Variants in ARID3A observed in about 807,000 individuals in gnomAD.
The protein encoded by ARID3A is AT-rich interaction domain 3A, also known as AT-rich interactive domain-containing protein 3A.
A neutral mutation model predicts 52.7 loss-of-function variants in ARID3A; 11 were observed. The ratio of observed to expected loss-of-function variants is 0.21; its 90% confidence interval spans 0.13 to 0.35. The LOEUF (loss-of-function observed/expected upper bound fraction) is 0.35, where lower values mean the gene tolerates loss of function less well. Ranked by LOEUF, ARID3A falls within the 10% of genes least tolerant of loss-of-function variation. The pLI, the probability that ARID3A is intolerant of heterozygous loss-of-function variation, is 1.00. For synonymous variants in ARID3A, 404 were observed against 359.4 expected (o/e 1.12, Z -1.40); for missense variants, 721 against 838.5 (o/e 0.86, Z 1.73).
Position 973,104 on chromosome 19 carries a change from A to ATCTTTTT in ARID3A, c.*1040_*1041insCTTTTTT, listed in dbSNP as rs775338115. 3.5e-4 allele frequency: 19 copies of ATCTTTTT among 53,678 alleles called. 3 individuals carry two copies. Among genetic ancestry groups the ATCTTTTT allele is most frequent in the South Asian group, 1.5e-3 (2 of 1,360 alleles). The allele number at this position is 53,678 out of a possible 1,614,324, so 3.3% of individuals were successfully genotyped here. A position where few individuals can be genotyped will look rare whatever the true frequency, so the allele number is the denominator to read the frequency against. On this transcript the variant is annotated 3_prime_UTR_variant, in exon 9 of 9. Coordinates refer to ENST00000263620, the MANE Select transcript of ARID3A (RefSeq NM_005224.3). ...GGGCTCTCGAGTCAGGGGCCTGGAA[A>ATCTTTTT]TTTTTTTTTTTTTTTTTTTTTGAGA...
rs1338543295 is a variant in ARID3A, at chr19:938,532, G to A, written c.693+5790G>A. On this transcript the variant is annotated intron_variant, in intron 3 of 8. Transcript: ENST00000263620. This position sits in a 1 kb window ranked among gnomAD's most constrained non-coding sequence, Gnocchi z 4.0. ...CCTGCCAGAGAGGACCCAGCGGTGT[G>A]TGGATGGATGGCCCAGGGAGCTGCT... Among the ~76,000 whole-genome samples the A allele has an allele frequency of 6.6e-6, 1 of 152,232 alleles. No individual in the cohort carries two copies. The highest frequency in any genetic ancestry group is 1.5e-5 in the Non-Finnish European group (1 of 68,030).
chr19:970,171 G>C (rs1026116364), intron 8 of ARID3A, among the ~76,000 whole-genome samples: 5 of 151,972 alleles, frequency 3.3e-5, no homozygotes, highest in Non-Finnish European at 7.4e-5. Context: ...GAATTAGCGA[G>C]GTGTGCTGGT....
At chr19:968,554 G>T in intron 8 of ARID3A, 51 bp downstream of exon 8, 2 of 1,556,970 alleles carry the variant, frequency 1.3e-6, no homozygotes, top group Non-Finnish European at 1.8e-6. Flanking sequence ...TCCCGCCGCC[G>T]TGAACTCAGG....
rs189314098 is a variant in ARID3A at position 965,577 on chromosome 19, C to A, written c.1198+497C>A. 5.3e-5 allele frequency among the ~76,000 whole-genome samples: 8 copies of A among 151,980 alleles called. No individual in the cohort carries two copies. In the East Asian group the frequency reaches 1.5e-3, roughly 29 times the overall value. ...GGCGTGGCAACGTGCACCTGTGGTCCCAGCTACCCAGGAAGCTGAGGTGGT... is the reference window on the plus strand; with the variant it reads ...GGCGTGGCAACGTGCACCTGTGGTCACAGCTACCCAGGAAGCTGAGGTGGT... On this transcript the variant is annotated intron_variant, in intron 6 of 8. Coordinates refer to ENST00000263620, the MANE Select transcript of ARID3A (RefSeq NM_005224.3).
At chr19:935,350 G>C (rs1423342742) in intron 3 of ARID3A, among the ~76,000 whole-genome samples, 1 of 152,202 alleles carries the variant, frequency 6.6e-6, no homozygotes, top group Non-Finnish European at 1.5e-5. Context: ...GTGCAGTTTT[G>C]GAGGCCAGCA....
In ARID3A at chr19:944,323, G is replaced by C. The variant is rs2037627332; in HGVS notation, c.693+11581G>C. Among the ~76,000 whole-genome samples the C allele has an allele frequency of 7.1e-6, 1 of 139,884 alleles. No homozygotes were observed. The highest frequency in any genetic ancestry group is 7.5e-5 in the Admixed American group (1 of 13,386). 91.8% of individuals were successfully genotyped at this position (139,884 alleles called of 152,430 possible). A position where few individuals can be genotyped will look rare whatever the true frequency, so the allele number is the denominator to read the frequency against. On this transcript the variant is annotated intron_variant, in intron 3 of 8. Coordinates refer to ENST00000263620, the MANE Select transcript of ARID3A (RefSeq NM_005224.3). This position sits in a 1 kb window ranked among gnomAD's most constrained non-coding sequence, Gnocchi z 5.9. ...TGTCTGGCTGCAGGGGCGCGTCCAG[G>C]GGGTGTGTGTGTGTGTGTGTGTGTG...
chr19:970,349 A>T (rs1251264414), intron 8 of ARID3A, among the ~76,000 whole-genome samples: 1 of 152,108 alleles, frequency 6.6e-6, no homozygotes, highest in Non-Finnish European at 1.5e-5. Context: ...AAATTTAATT[A>T]AAAAAGTGGA....
In ARID3A at chr19:959,654, G is replaced by T. The variant is rs753586398; in HGVS notation, c.694-438G>T. ...TAAGCTGCAACGTGTGGCTGTAAGG[G>T]AGTTAAGGATCGATTTGAGATGAGG... On this transcript the variant is annotated intron_variant, in intron 3 of 8. Transcript: ENST00000263620. The surrounding 1 kb of genome is among the most constrained non-coding windows in gnomAD (Gnocchi z 5.0). 5.9e-5 allele frequency among the ~76,000 whole-genome samples: 9 copies of T among 152,168 alleles called. No homozygotes were observed. The highest frequency in any genetic ancestry group is 1.0e-4 in the Non-Finnish European group (7 of 68,036).
intron 6 of ARID3A, 82 bp downstream of exon 6, chr19:965,162 C>G (rs1477363408): frequency 6.9e-7 from 1 of 1,440,056 alleles, no homozygotes; most frequent in Admixed American, 2.4e-5. Context: ...ACCTCTTCCC[C>G]TCTCTGGGTA....
Position 929,420 on chromosome 19 carries a change from G to A in ARID3A, c.-109G>A, listed in dbSNP as rs1375244475. 7.8e-6 allele frequency: 8 copies of A among 1,030,812 alleles called. No individual in the cohort carries two copies. The highest frequency in any genetic ancestry group is 3.9e-5 in the African/African-American group (2 of 51,290). 63.9% of individuals were successfully genotyped at this position (1,030,812 alleles called of 1,614,324 possible). On this transcript the variant is annotated 5_prime_UTR_variant, in exon 2 of 9. Transcript: ENST00000263620. This position sits in a 1 kb window ranked among gnomAD's most constrained non-coding sequence, Gnocchi z 6.2. Reference sequence around the variant, plus strand: ...GCCCCGGCTCCCCCGCGGCCCCCACGCTGCAGTGCGGCCGGGCCCCCTCCC... The same window carrying A: ...GCCCCGGCTCCCCCGCGGCCCCCACACTGCAGTGCGGCCGGGCCCCCTCCC...
chr19:943,323 CT>C (rs1309287669), intron 3 of ARID3A, among the ~76,000 whole-genome samples: 1 of 150,478 alleles, frequency 6.6e-6, no homozygotes, highest in African/African-American at 2.4e-5. Flanking sequence ...AATCCCAGCA[CT>C]TTGGGAGGCC....
At chr19:933,655 A>G (rs28587615) in intron 3 of ARID3A, among the ~76,000 whole-genome samples, 59,128 of 151,922 alleles carry the variant, frequency 0.39, 11,942 homozygotes, top group African/African-American at 0.42. Context: ...AGGAGGGGCC[A>G]AGGCACAGAC....
Position 944,137 on chromosome 19 carries a change from C to T in ARID3A, c.693+11395C>T, listed in dbSNP as rs1173972677. On this transcript the variant is annotated intron_variant, in intron 3 of 8. Coordinates refer to ENST00000263620, the MANE Select transcript of ARID3A (RefSeq NM_005224.3). This position sits in a 1 kb window ranked among gnomAD's most constrained non-coding sequence, Gnocchi z 5.9. ...TGCCAGCCTGACCCTCTCATGGGCA[C>T]TTACGGGGCACCTGCTGTATGCCAG... Among the ~76,000 whole-genome samples the T allele has an allele frequency of 6.6e-6, 1 of 152,070 alleles. No individual in the cohort carries two copies. Among genetic ancestry groups the T allele is most frequent in the Non-Finnish European group, 1.5e-5 (1 of 67,978 alleles).
chr19:934,082 T>C (rs2037390461), intron 3 of ARID3A, among the ~76,000 whole-genome samples: 1 of 152,130 alleles, frequency 6.6e-6, no homozygotes. Context: ...CCAATTAATT[T>C]AACATTCACC....
chr19:932,999 A>G (rs1354806473), intron 3 of ARID3A, among the ~76,000 whole-genome samples: 1 of 152,036 alleles, frequency 6.6e-6, no homozygotes, highest in Non-Finnish European at 1.5e-5. Context: ...CGGCCCCCAT[A>G]TCGGAGGTGA....
chr19:974,761 G>C lies in ARID3A; in HGVS notation c.*2696G>C, dbSNP rs939597942. On this transcript the variant is annotated 3_prime_UTR_variant, in exon 9 of 9. Coordinates refer to ENST00000263620, the MANE Select transcript of ARID3A (RefSeq NM_005224.3). The stretch of plus-strand genomic sequence containing the variant: ...TGCGTGTGTGTGTCGGGAATCCTGC[G>C]TGTCGTGTCTGTGGGCGATCCGGCC... 1 of 230,902 alleles carries C rather than the reference G, an allele frequency of 4.3e-6. No individual in the cohort carries two copies. The highest frequency in any genetic ancestry group is 2.2e-5 in the African/African-American group (1 of 45,082). 14.3% of individuals were successfully genotyped at this position (230,902 alleles called of 1,614,324 possible).
rs533750320 is a variant in ARID3A, at chr19:961,114, G to A, written c.766+950G>A. ...TCCTCTAGGGCAGGGAGCTAGCTCC[G>A]ATCCCCACTGTTCAGACGGGGGAGG... On this transcript the variant is annotated intron_variant, in intron 4 of 8. Coordinates refer to ENST00000263620, the MANE Select transcript of ARID3A (RefSeq NM_005224.3). Among the ~76,000 whole-genome samples, 120 of 152,300 alleles carry A rather than the reference G, an allele frequency of 7.9e-4. 1 individual carries two copies. The highest frequency in any genetic ancestry group is 2.8e-3 in the African/African-American group (116 of 41,562).
chr19:951,789 ACTT>A (rs1188207924), intron 3 of ARID3A, among the ~76,000 whole-genome samples: 1 of 152,086 alleles, frequency 6.6e-6, no homozygotes, highest in African/African-American at 2.4e-5. Context: ...AGGAAAACAT[ACTT>A]CTTCAGTTTC....
chr19:933,931 A>G (rs911202879), intron 3 of ARID3A, among the ~76,000 whole-genome samples: 2 of 150,108 alleles, frequency 1.3e-5, no homozygotes, highest in Non-Finnish European at 3.0e-5. Flanking sequence ...CACGGGCCAC[A>G]CTGCCGCGCG....
Sources: gnomAD v4.1 joint callset for allele counts (sites outside exome capture counted in the v4.1 genomes callset) on GRCh38, gnomAD v4.1.1 for gene constraint, Gnocchi (gnomAD v3.1) non-coding constraint, MANE v1.5 for transcripts, NCBI Gene and HGNC (gene_info 2026-07-23, HGNC 2026-07-21) for gene names.